Variants in WASF3 observed in about 807,000 individuals in gnomAD.
WASF3 encodes actin-binding protein WASF3.
A neutral mutation model predicts 46.6 loss-of-function variants in WASF3; 11 were observed. The ratio of observed to expected loss-of-function variants is 0.24; its 90% CI spans 0.15 to 0.39. The LOEUF is 0.39. Among genes scored for constraint, WASF3 ranks in the 10% least tolerant of loss-of-function variants. The pLI is 1.00. For missense variants in WASF3, 576 were observed against 669.8 expected, an observed-to-expected ratio of 0.86 and a Z score of 1.55; for synonymous variants, 242 against 259.7, an observed-to-expected ratio of 0.93 and a Z score of 0.65.
chr13:26,593,427 A>G lies in WASF3; in HGVS notation c.-108-19534A>G, dbSNP rs191461805. Among the ~76,000 whole-genome samples, 1,066 of 152,290 alleles carry G rather than the reference A, an allele frequency of 7.0e-3. 10 individuals are homozygous for G. The highest frequency in any genetic ancestry group is 0.025 in the African/African-American group (1,022 of 41,564). On this transcript the variant is annotated intron_variant, in intron 1 of 9. Coordinates refer to ENST00000335327, the MANE Select transcript of WASF3 (RefSeq NM_006646.6). ...TTTATAATTTCACCTTTATTTTTCTAGGCCATTTACCAAGCCACCTGAAAT... is the reference window on the plus strand; with the variant it reads ...TTTATAATTTCACCTTTATTTTTCTGGGCCATTTACCAAGCCACCTGAAAT...
chr13:26,546,289 G>T, the WASF3 span, among the ~76,000 whole-genome samples: 1 of 152,208 alleles, frequency 6.6e-6, no homozygotes, highest in African/African-American at 2.4e-5. Context: ...TGTTAATAGT[G>T]ATTGTTTCTG....
At chr13:26,576,526 T>C (rs1047087918) in intron 1 of WASF3, among the ~76,000 whole-genome samples, 4 of 152,176 alleles carry the variant, frequency 2.6e-5, no homozygotes, top group Admixed American at 2.0e-4. Flanking sequence ...TTTTAAATGA[T>C]AGCCAGGAGA....
chr13:26,643,803 A>T (rs1455336989), intron 3 of WASF3, among the ~76,000 whole-genome samples: 1 of 152,104 alleles, frequency 6.6e-6, no homozygotes, highest in Non-Finnish European at 1.5e-5. Flanking sequence ...AGTTGTGTTT[A>T]TGGTGTTTGC....
At chr13:26,659,624 C>A (rs573575510) in intron 3 of WASF3, among the ~76,000 whole-genome samples, 1 of 151,874 alleles carries the variant, frequency 6.6e-6, no homozygotes, top group East Asian at 1.9e-4. Context: ...TTAGGGAGGT[C>A]GAGGTGAGTG....
intron 4 of WASF3, among the ~76,000 whole-genome samples, chr13:26,666,866 CAAAAAAAA>C (rs1168774717): frequency 0.069 from 4,318 of 62,932 alleles, 232 homozygotes; most frequent in African/African-American, 0.2. Flanking sequence ...AAGACTGTCT[CAAAAAAAA>C]AAAAAAAAAA....
In WASF3 at chr13:26,680,074, G is replaced by A. The variant is rs529139322; in HGVS notation, c.717-980G>A. 7.5e-6 allele frequency: 12 copies of A among 1,597,858 alleles called. No individual in the cohort carries two copies. The African/African-American group carries it at 1.3e-4, about 18-fold the overall frequency. On this transcript the variant is annotated intron_variant, in intron 7 of 9. Transcript: ENST00000335327. ...GCTGAACCCTAACAGAAACCAGCAA[G>A]TAAATGTGAGAAAAGTCAGAACAAG... is the stretch of plus-strand genomic sequence containing the variant.
At chr13:26,640,611 TAGTC>T (rs773641045) in intron 2 of WASF3, 16 of 152,300 alleles carry the variant, frequency 1.1e-4, no homozygotes, top group Admixed American at 5.2e-4. Context: ...TTCACCATGT[TAGTC>T]AGGCTGGTTT....
At chr13:26,574,275 T>C (rs1879725413) in intron 1 of WASF3, among the ~76,000 whole-genome samples, 1 of 152,222 alleles carries the variant, frequency 6.6e-6, no homozygotes, top group African/African-American at 2.4e-5. Flanking sequence ...ATCATTTATA[T>C]CTTTTTTTTC....
At chr13:26,612,655 GA>G in intron 1 of WASF3, among the ~76,000 whole-genome samples, 1 of 152,284 alleles carries the variant, frequency 6.6e-6, no homozygotes, top group Non-Finnish European at 1.5e-5. Flanking sequence ...ATGTGTTGTT[GA>G]GTAAATGAAT....
At chr13:26,552,013 G>C in the WASF3 span, among the ~76,000 whole-genome samples, 1 of 152,212 alleles carries the variant, frequency 6.6e-6, no homozygotes, top group East Asian at 1.9e-4. Context: ...AATGGGAAAG[G>C]AGAGGCAGGG....
Position 26,682,515 on chromosome 13 carries a change from G to A in WASF3, c.984-92G>A, listed in dbSNP as rs1883260398. 3.4e-6 allele frequency: 5 copies of A among 1,492,030 alleles called. No homozygotes were observed. Among genetic ancestry groups the A allele is most frequent in the Non-Finnish European group, 3.7e-6 (4 of 1,084,692 alleles). The allele number at this position is 1,492,030 out of a possible 1,614,324, so 92.4% of individuals were successfully genotyped here. Reference sequence around the variant, plus strand: ...AAGTTCAGGTGACAATACGTGTTGTGTCTGGGGATGGCTCCGTTAGGTGTC... The same window carrying A: ...AAGTTCAGGTGACAATACGTGTTGTATCTGGGGATGGCTCCGTTAGGTGTC... On this transcript the variant is annotated intron_variant, in intron 8 of 9. Transcript: ENST00000335327. The surrounding 1 kb of genome is among the most constrained non-coding windows in gnomAD (Gnocchi z 4.4).
the WASF3 span, among the ~76,000 whole-genome samples, chr13:26,545,230 G>A: frequency 2.0e-5 from 3 of 152,198 alleles, no homozygotes; most frequent in Non-Finnish European, 4.4e-5. Flanking sequence ...AGCAAAATTG[G>A]AGTTTTCCTC....
At chr13:26,627,169 TA>T (rs1881491385) in intron 2 of WASF3, among the ~76,000 whole-genome samples, 1 of 152,168 alleles carries the variant, frequency 6.6e-6, no homozygotes, top group South Asian at 2.1e-4. Context: ...AGGTTTAGAT[TA>T]ATTGCATGAG....
intron 1 of WASF3, among the ~76,000 whole-genome samples, chr13:26,565,030 A>G (rs887313104): frequency 9.3e-5 from 14 of 150,332 alleles, no homozygotes; most frequent in African/African-American, 3.4e-4. Flanking sequence ...TAATGTTAGA[A>G]TTAATGTTTG....
At chr13:26,667,738 G>A in intron 5 of WASF3, 68 bp downstream of exon 5, 1 of 1,478,946 alleles carries the variant, frequency 6.8e-7, no homozygotes, top group African/African-American at 1.4e-5. Context: ...CTGGGAGCAA[G>A]CTGATGCATT....
chr13:26,550,753 C>T, the WASF3 span, among the ~76,000 whole-genome samples: 1 of 152,134 alleles, frequency 6.6e-6, no homozygotes, highest in African/African-American at 2.4e-5. Context: ...CCCTTCCCCA[C>T]CCCAGCAAGG....
intron 1 of WASF3, among the ~76,000 whole-genome samples, chr13:26,596,760 G>C (rs1200732482): frequency 6.6e-6 from 1 of 152,124 alleles, no homozygotes; most frequent in African/African-American, 2.4e-5. Context: ...TGGGACTCCA[G>C]TATATTCAAG....
chr13:26,676,696 TC>T lies in WASF3; in HGVS notation c.690del (p.Glu231ArgfsTer33), dbSNP rs1219233056. On this transcript the variant is annotated frameshift_variant, in exon 7 of 10. Transcript: ENST00000335327. LOFTEE classifies it high-confidence loss of function. ...TCAGAGTGTGTACCATGGAGCGTCT[TC>T]CGAGGGATCCCTGTCCCCAGATACT... ...LSQSVYHGAS[S>X]EGSLSPDTRS... 2 of 1,614,110 alleles carry T rather than the reference TC, an allele frequency of 1.2e-6. No homozygotes were observed. Among genetic ancestry groups the T allele is most frequent in the South Asian group, 1.1e-5 (1 of 91,058 alleles).
At chr13:26,610,481 C>G (rs2137220134) in intron 1 of WASF3, among the ~76,000 whole-genome samples, 1 of 152,266 alleles carries the variant, frequency 6.6e-6, no homozygotes, top group African/African-American at 2.4e-5. Context: ...GGCACAGTGA[C>G]TGACACATAA....
Sources: allele counts gnomAD v4.1 joint callset (sites outside exome capture counted in the v4.1 genomes callset), GRCh38; gene constraint gnomAD v4.1.1; non-coding constraint Gnocchi (gnomAD v3.1); transcripts MANE v1.5; gene names NCBI Gene and HGNC (gene_info 2026-07-23, HGNC 2026-07-21).